The following NTN1 variants were observed in gnomAD, a reference collection of about 807,000 sequenced individuals.
NTN1 encodes the protein netrin 1, also known as netrin-1.
In NTN1, 11 loss-of-function variants were observed where a neutral mutation model predicts 54.2. The observed-to-expected ratio is 0.20, with a 90% CI of 0.13 to 0.34. The LOEUF (loss-of-function observed/expected upper bound fraction) is 0.34. Ranked by LOEUF, NTN1 falls within the 10% of genes least tolerant of loss-of-function variation. The pLI is 1.00. For synonymous variants in NTN1, 371 were observed against 382.0 expected, an observed-to-expected ratio of 0.97 and a Z score of 0.33; for missense variants, 740 against 893.1, an observed-to-expected ratio of 0.83 and a Z score of 2.18.
chr17:9,183,779 T>C (rs146298825), intron 5 of NTN1: 1 of 171,246 alleles, frequency 5.8e-6, no homozygotes, highest in African/African-American at 2.4e-5. Flanking sequence ...GAAATGTTTG[T>C]CTGAGGAAGG....
chr17:9,160,154 C>T (rs2092353242), intron 2 of NTN1, among the ~76,000 whole-genome samples: 1 of 152,130 alleles, frequency 6.6e-6, no homozygotes, highest in Non-Finnish European at 1.5e-5. Flanking sequence ...CTCTGTGGCT[C>T]AGGCTGGAGT....
chr17:9,085,741 C>G (rs996693352), intron 2 of NTN1, among the ~76,000 whole-genome samples: 4 of 152,198 alleles, frequency 2.6e-5, no homozygotes, highest in Non-Finnish European at 5.9e-5. Flanking sequence ...GACAGCTGCT[C>G]TTATGGCCGT....
chr17:9,013,216 C>CTTTTTTTTTTTTTT, the NTN1 span, among the ~76,000 whole-genome samples: 9 of 118,718 alleles, frequency 7.6e-5, no homozygotes, highest in Admixed American at 1.8e-4. Context: ...TTTTCTTTTT[C>CTTTTTTTTTTTTTT]TTTTTTTTTT....
intron 2 of NTN1, among the ~76,000 whole-genome samples, chr17:9,145,916 C>CAAAAAAAA (rs60504172): frequency 1.1e-5 from 1 of 89,018 alleles, no homozygotes; most frequent in African/African-American, 4.3e-5. Flanking sequence ...GACTCCATCT[C>CAAAAAAAA]AAAAAAAAAA....
intron 6 of NTN1, among the ~76,000 whole-genome samples, chr17:9,237,170 G>A (rs962728280): frequency 2.0e-5 from 3 of 152,156 alleles, no homozygotes; most frequent in South Asian, 4.1e-4. Context: ...CCACAGAAAT[G>A]TATTTCTCAC....
chr17:9,160,691 G>T (rs1192416735), intron 2 of NTN1, among the ~76,000 whole-genome samples: 3 of 152,090 alleles, frequency 2.0e-5, no homozygotes, highest in Admixed American at 6.6e-5. Flanking sequence ...GGTGGCTCAC[G>T]CCTGTAATCC....
rs1199418141 is a variant in NTN1, at chr17:9,243,368, C to T, written c.*3400C>T. On this transcript the variant is annotated 3_prime_UTR_variant, in exon 7 of 7. Transcript: ENST00000173229. ...CATGCTGGAGAGGGGTACGGACTTA[C>T]TTTCTTGGAGTTGTCCCAGGTTGGA... is the stretch of plus-strand genomic sequence containing the variant. 2.0e-5 allele frequency: 3 copies of T among 151,496 alleles called. No individual in the cohort carries two copies. The highest frequency in any genetic ancestry group is 6.6e-5 in the Admixed American group (1 of 15,256). 9.4% of individuals were successfully genotyped at this position (151,496 alleles called of 1,614,324 possible).
chr17:9,125,933 T>A (rs1474575824), intron 2 of NTN1, among the ~76,000 whole-genome samples: 3 of 152,270 alleles, frequency 2.0e-5, no homozygotes, highest in Non-Finnish European at 2.9e-5. Context: ...TTACATTAAA[T>A]GTTTTGTCTG....
At chr17:9,190,061 C>T (rs1904410580) in intron 5 of NTN1, among the ~76,000 whole-genome samples, 1 of 152,116 alleles carries the variant, frequency 6.6e-6, no homozygotes, top group African/African-American at 2.4e-5. Flanking sequence ...TATAAGGAGC[C>T]GTTAAACAAT....
intron 6 of NTN1, among the ~76,000 whole-genome samples, chr17:9,226,297 C>T (rs186812378): frequency 1.4e-4 from 22 of 152,204 alleles, no homozygotes; most frequent in East Asian, 1.4e-3. Flanking sequence ...GCCGGGGCCT[C>T]GGTTTCCTCA....
intron 2 of NTN1, among the ~76,000 whole-genome samples, chr17:9,125,859 G>A (rs2092245673): frequency 6.6e-6 from 1 of 152,332 alleles, no homozygotes; most frequent in Middle Eastern, 3.4e-3. Context: ...ACTGATACGG[G>A]TTATTACCAT....
At chr17:9,061,232 C>G (rs191402784) in intron 2 of NTN1, among the ~76,000 whole-genome samples, 1 of 152,148 alleles carries the variant, frequency 6.6e-6, no homozygotes, top group East Asian at 1.9e-4. Context: ...CTTTCTAGAA[C>G]TTGAGTGTCA....
At chr17:9,150,335 G>C (rs538966001) in intron 2 of NTN1, among the ~76,000 whole-genome samples, 68 of 152,358 alleles carry the variant, frequency 4.5e-4, no homozygotes, top group Non-Finnish European at 8.1e-4. Flanking sequence ...GCCATGGAAG[G>C]TTCCAGAACA....
At chr17:9,073,491 C>G (rs2092039384) in intron 2 of NTN1, among the ~76,000 whole-genome samples, 1 of 152,206 alleles carries the variant, frequency 6.6e-6, no homozygotes, top group African/African-American at 2.4e-5. Context: ...TCAGTGGTAG[C>G]TGGAGGGATG....
At chr17:9,010,348 G>A in the NTN1 span, among the ~76,000 whole-genome samples, 5 of 152,188 alleles carry the variant, frequency 3.3e-5, no homozygotes, top group Admixed American at 1.3e-4. Flanking sequence ...TGCTGCAACC[G>A]TGGCCTCTAG....
intron 4 of NTN1, 110 bp from the exon 5 acceptor site, chr17:9,182,806 T>G: frequency 9.3e-7 from 1 of 1,074,196 alleles, no homozygotes; most frequent in Non-Finnish European, 1.4e-6. Flanking sequence ...GAGGGGAGGG[T>G]CCCAGGAAGT....
At chr17:9,194,808 C>T (rs1904579083) in intron 5 of NTN1, among the ~76,000 whole-genome samples, 1 of 152,214 alleles carries the variant, frequency 6.6e-6, no homozygotes, top group African/African-American at 2.4e-5. Flanking sequence ...GTGGGGGGAC[C>T]TGCTCATTGC....
intron 2 of NTN1, among the ~76,000 whole-genome samples, chr17:9,111,886 G>C (rs190038882): frequency 4.6e-5 from 7 of 152,310 alleles, no homozygotes; most frequent in Non-Finnish European, 1.5e-5. Flanking sequence ...TGGTCTCACT[G>C]TCTCAGGGGT....
At chr17:9,068,091 A>T (rs564605949) in intron 2 of NTN1, among the ~76,000 whole-genome samples, 1 of 152,344 alleles carries the variant, frequency 6.6e-6, no homozygotes, top group African/African-American at 2.4e-5. Context: ...CAGACAATCA[A>T]TAAATGTTCA....
Sources: allele counts gnomAD v4.1 joint callset (sites outside exome capture counted in the v4.1 genomes callset), GRCh38; gene constraint gnomAD v4.1.1; transcripts MANE v1.5; gene names NCBI Gene and HGNC (gene_info 2026-07-23, HGNC 2026-07-21).